The following CNTNAP3 variants were observed in gnomAD, a reference collection of about 807,000 sequenced individuals.
CNTNAP3 encodes the protein contactin associated protein family member 3.
Under a neutral mutation model 92.1 loss-of-function variants are expected in CNTNAP3, and 36 were observed. The observed-to-expected ratio is 0.39, with a 90% CI of 0.30 to 0.52. The LOEUF (loss-of-function observed/expected upper bound fraction) is 0.52, where lower values mean the gene tolerates loss of function less well. CNTNAP3 is among the 20% of genes least tolerant of loss of function. The pLI is 0.76. For missense variants in CNTNAP3, 534 were observed against 1,069.6 expected (o/e 0.50, Z 6.98); for synonymous variants, 232 against 422.3 (o/e 0.55, Z 5.53).
chr9:39,079,607 T>A (rs1260603693), intron 21 of CNTNAP3, among the ~76,000 whole-genome samples: 4 of 151,460 alleles, frequency 2.6e-5, no homozygotes, highest in African/African-American at 9.7e-5. Flanking sequence ...TTAGTCCATT[T>A]GTCTTTAGAG....
At chr9:39,136,856 T>C in intron 12 of CNTNAP3, among the ~76,000 whole-genome samples, 1 of 152,108 alleles carries the variant, frequency 6.6e-6, no homozygotes. Context: ...GCCAAGATCG[T>C]ACCATTGCAC....
Position 39,066,082 on chromosome 9 carries a change from A to G in CNTNAP3, c.*7808T>C, listed in dbSNP as rs1825503958. On this transcript the variant is annotated 3_prime_UTR_variant, in exon 24 of 24. Coordinates refer to ENST00000297668, the MANE Select transcript of CNTNAP3 (RefSeq NM_033655.5). ...TTTCAAGCATTTAAAAATTTATTCT[A>G]TTTCATCGCTGCATTGTAATATTAT... Among the ~76,000 whole-genome samples the G allele has an allele frequency of 6.6e-6, 1 of 152,172 alleles. No individual in the cohort carries two copies. Among genetic ancestry groups the G allele is most frequent in the African/African-American group, 2.4e-5 (1 of 41,428 alleles).
chr9:39,077,456 C>T (rs990723395), intron 23 of CNTNAP3, among the ~76,000 whole-genome samples: 3 of 151,992 alleles, frequency 2.0e-5, no homozygotes, highest in African/African-American at 2.4e-5. Flanking sequence ...ACTCAGGAGG[C>T]TGCGGCAGGA....
chr9:39,074,217 T>C (rs1263383916), intron 23 of CNTNAP3, among the ~76,000 whole-genome samples: 2 of 151,558 alleles, frequency 1.3e-5, no homozygotes, highest in African/African-American at 2.4e-5. Context: ...TTTGTAGAGA[T>C]GGGGTGTTGC....
intron 13 of CNTNAP3, among the ~76,000 whole-genome samples, chr9:39,130,540 T>C (rs1296948653): frequency 2.0e-5 from 3 of 147,244 alleles, no homozygotes; most frequent in Non-Finnish European, 4.5e-5. Flanking sequence ...AGTCTTGCTC[T>C]GTCGCCCAGG....
At chr9:39,143,390 G>A (rs568505886) in intron 11 of CNTNAP3, among the ~76,000 whole-genome samples, 193 of 152,226 alleles carry the variant, frequency 1.3e-3, no homozygotes, top group African/African-American at 4.4e-3. Context: ...CAGGCTCCCA[G>A]GGGCTGTGGG....
intron 15 of CNTNAP3, among the ~76,000 whole-genome samples, chr9:39,104,477 TACACACACACACACACACACACAC>T (rs60068368): frequency 1.5e-4 from 19 of 123,106 alleles, no homozygotes; most frequent in Admixed American, 1.5e-3. Flanking sequence ...CACATACACA[TACACACACACACACACACACACAC>T]ACACACACAC....
At chr9:39,141,076 T>C (rs914920415) in intron 11 of CNTNAP3, among the ~76,000 whole-genome samples, 1 of 152,196 alleles carries the variant, frequency 6.6e-6, no homozygotes, top group African/African-American at 2.4e-5. Context: ...CAAGAAAGCA[T>C]GCAAACTCTG....
chr9:39,093,039 G>T (rs922559237), intron 18 of CNTNAP3, among the ~76,000 whole-genome samples: 1 of 142,324 alleles, frequency 7.0e-6, no homozygotes, highest in Non-Finnish European at 1.5e-5. Context: ...TGGCTCTCTA[G>T]GGTTACTCTT....
chr9:39,117,873 T>C (rs887716688), intron 14 of CNTNAP3: 1 of 944,372 alleles, frequency 1.1e-6, no homozygotes, highest in Admixed American at 3.6e-5. Context: ...GTTTCTCTTT[T>C]ACGAAAAATA....
chr9:39,071,971 A>G lies in CNTNAP3; in HGVS notation c.*1919T>C, dbSNP rs1045194593. 1.8e-5 allele frequency among the ~76,000 whole-genome samples: 2 copies of G among 110,060 alleles called. No homozygotes were observed. Among genetic ancestry groups the G allele is most frequent in the Non-Finnish European group, 1.8e-5 (1 of 57,070 alleles). 72.2% of individuals were successfully genotyped at this position (110,060 alleles called of 152,430 possible). A position where few individuals can be genotyped will look rare whatever the true frequency, so the allele number is the denominator to read the frequency against. Reference sequence around the variant, plus strand: ...CATATAATTCTGTAATTTTAATTTTATAGAGCTTTCCCTAAAATATTTTTT... The same window carrying G: ...CATATAATTCTGTAATTTTAATTTTGTAGAGCTTTCCCTAAAATATTTTTT... On this transcript the variant is annotated 3_prime_UTR_variant, in exon 24 of 24. Coordinates refer to ENST00000297668, the MANE Select transcript of CNTNAP3 (RefSeq NM_033655.5).
chr9:39,123,579 C>T (rs575163835), intron 13 of CNTNAP3, among the ~76,000 whole-genome samples: 2 of 151,816 alleles, frequency 1.3e-5, no homozygotes, highest in Non-Finnish European at 2.9e-5. Context: ...AGGTTAAATA[C>T]AAAAAAATCC....
intron 23 of CNTNAP3, among the ~76,000 whole-genome samples, chr9:39,074,713 T>C (rs1375265935): frequency 6.6e-6 from 1 of 152,232 alleles, no homozygotes; most frequent in Non-Finnish European, 1.5e-5. Context: ...TTATTGTTAG[T>C]ACAATGAAAT....
At chr9:39,113,932 T>C (rs1301739325) in intron 14 of CNTNAP3, among the ~76,000 whole-genome samples, 1 of 151,786 alleles carries the variant, frequency 6.6e-6, no homozygotes, top group Non-Finnish European at 1.5e-5. Flanking sequence ...TGGGTGTCAA[T>C]TTGCCTTTGC....
At chr9:39,134,906 G>T (rs1821393537) in intron 12 of CNTNAP3, among the ~76,000 whole-genome samples, 1 of 152,222 alleles carries the variant, frequency 6.6e-6, no homozygotes, top group Non-Finnish European at 1.5e-5. Context: ...TGTACAATGG[G>T]AGAGAAATGA....
intron 15 of CNTNAP3, among the ~76,000 whole-genome samples, chr9:39,107,794 C>T (rs1731188959): frequency 6.6e-6 from 1 of 152,120 alleles, no homozygotes; most frequent in Admixed American, 6.5e-5. Flanking sequence ...GAGAATCCAA[C>T]AAATGAAACA....
chr9:39,082,086 C>CAAAA lies in CNTNAP3; in HGVS notation c.3443-3170_3443-3167dup, dbSNP rs34730493. On this transcript the variant is annotated intron_variant, in intron 21 of 23. Transcript: ENST00000297668. ...TGGATGACAGAGTGAAACTCGATCT[C>CAAAA]AAAAAAAAAAAACAAAGAAACTCAA... 2.5e-3 allele frequency among the ~76,000 whole-genome samples: 254 copies of CAAAA among 102,226 alleles called. 17 individuals carry two copies. The highest frequency in any genetic ancestry group is 0.014 in the East Asian group (44 of 3,184). The allele number at this position is 102,226 out of a possible 152,430, so 67.1% of individuals were successfully genotyped here.
chr9:39,079,104 T>C (rs575600050), intron 21 of CNTNAP3, among the ~76,000 whole-genome samples, 184 bp from the exon 22 acceptor site: 1 of 152,170 alleles, frequency 6.6e-6, no homozygotes, highest in South Asian at 2.1e-4. Context: ...ACTATTTCCA[T>C]TGTCAGGGTT....
chr9:39,068,160 G>A lies in CNTNAP3; in HGVS notation c.*5730C>T, dbSNP rs1485850085. On this transcript the variant is annotated 3_prime_UTR_variant, in exon 24 of 24. Transcript: ENST00000297668. The stretch of plus-strand genomic sequence containing the variant: ...TACGCCTGTGATACCAGCGCTTTAG[G>A]AGGCTGAGGTGGGCAGATCATGAGA... 2.0e-5 allele frequency among the ~76,000 whole-genome samples: 3 copies of A among 152,298 alleles called. No homozygotes were observed. Among genetic ancestry groups the A allele is most frequent in the Non-Finnish European group, 2.9e-5 (2 of 68,054 alleles).
Sources: allele counts gnomAD v4.1 joint callset (sites outside exome capture counted in the v4.1 genomes callset), GRCh38; gene constraint gnomAD v4.1.1; transcripts MANE v1.5; gene names NCBI Gene and HGNC (gene_info 2026-07-23, HGNC 2026-07-21).